The following PCMT1 variants were observed in gnomAD, a reference collection of about 807,000 sequenced individuals.
PCMT1 encodes protein-L-isoaspartate (D-aspartate) O-methyltransferase.
PCMT1 carries 9 observed loss-of-function variants against 29.2 expected under a neutral mutation model. The observed-to-expected ratio is 0.31, with a 90% confidence interval of 0.19 to 0.54. PCMT1 has a LOEUF of 0.54. Ranked by LOEUF, PCMT1 falls within the 20% of genes least tolerant of loss-of-function variation. The pLI is 0.95. For synonymous variants in PCMT1, 98 were observed against 97.5 expected, an observed-to-expected ratio of 1.00 and a Z score of -0.03; for missense variants, 184 against 282.2, an observed-to-expected ratio of 0.65 and a Z score of 2.49.
chr6:149,794,861 C>G (rs569184317), intron 5 of PCMT1: 19 of 487,364 alleles, frequency 3.9e-5, no homozygotes, highest in South Asian at 2.3e-4. Flanking sequence ...GGATTCATCT[C>G]ATGAAAGAAC....
At chr6:149,801,992 G>A (rs1775840931) in intron 6 of PCMT1, among the ~76,000 whole-genome samples, 1 of 152,074 alleles carries the variant, frequency 6.6e-6, no homozygotes, top group African/African-American at 2.4e-5. Context: ...AGCTGGGCAT[G>A]GTGGCGTGTG....
intron 3 of PCMT1, among the ~76,000 whole-genome samples, chr6:149,775,334 TAA>T (rs1203697712): frequency 2.0e-5 from 3 of 152,146 alleles, no homozygotes; most frequent in Non-Finnish European, 4.4e-5. Flanking sequence ...CAGAAGCCAT[TAA>T]AAAAACCTGA....
At chr6:149,769,685 A>G (rs1787231198) in intron 1 of PCMT1, among the ~76,000 whole-genome samples, 1 of 151,450 alleles carries the variant, frequency 6.6e-6, no homozygotes, top group African/African-American at 2.4e-5. Context: ...TATAATCTCA[A>G]ACTCCTGGGC....
chr6:149,754,534 T>C (rs937658303), intron 1 of PCMT1, among the ~76,000 whole-genome samples: 1 of 152,306 alleles, frequency 6.6e-6, no homozygotes. Flanking sequence ...GTTTGTGGGA[T>C]GTTAACTTAA....
intron 1 of PCMT1, among the ~76,000 whole-genome samples, chr6:149,770,813 C>G (rs1308475890): frequency 6.6e-6 from 1 of 151,016 alleles, no homozygotes; most frequent in East Asian, 1.9e-4. Context: ...ACCATCCTGG[C>G]TAACATGGTG....
chr6:149,767,734 G>A (rs541350643), intron 1 of PCMT1, among the ~76,000 whole-genome samples: 4 of 150,674 alleles, frequency 2.7e-5, no homozygotes, highest in South Asian at 4.2e-4. Context: ...GATTACAGAC[G>A]TGAGCCACTG....
chr6:149,770,152 G>T (rs1338695458), intron 1 of PCMT1, among the ~76,000 whole-genome samples: 2 of 152,110 alleles, frequency 1.3e-5, no homozygotes, highest in East Asian at 3.8e-4. Flanking sequence ...ATAATAAATA[G>T]AAATCTTTAT....
At chr6:149,804,662 C>T (rs988452516) in intron 7 of PCMT1, among the ~76,000 whole-genome samples, 7 of 151,884 alleles carry the variant, frequency 4.6e-5, no homozygotes, top group Non-Finnish European at 1.0e-4. Flanking sequence ...TATAGGCGCC[C>T]AGCTAAATTT....
intron 7 of PCMT1, among the ~76,000 whole-genome samples, chr6:149,805,317 GGC>G (rs1288613891): frequency 3.9e-4 from 60 of 152,298 alleles, no homozygotes; most frequent in African/African-American, 1.4e-3. Context: ...TTTTAGGCTG[GGC>G]GCAGTGGCTC....
At chr6:149,755,705 C>T (rs562337547) in intron 1 of PCMT1, among the ~76,000 whole-genome samples, 1 of 152,224 alleles carries the variant, frequency 6.6e-6, no homozygotes, top group South Asian at 2.1e-4. Flanking sequence ...ATTTAGTCAG[C>T]TGATATTTTA....
rs35913473 is a variant in PCMT1 at position 149,787,823 on chromosome 6, C to CTG, written c.193-2111_193-2110dup. ...TCTCTCCCTTTATCCCCTCTCTCCT[C>CTG]TGTGTGTGTGTGTGTGTGTGTATGT... On this transcript the variant is annotated intron_variant, in intron 3 of 7. Coordinates refer to ENST00000464889, the MANE Select transcript of PCMT1 (RefSeq NM_001360452.2). 2.1e-3 allele frequency among the ~76,000 whole-genome samples: 313 copies of CTG among 150,242 alleles called. 3 individuals carry two copies. The highest frequency in any genetic ancestry group is 3.8e-3 in the Admixed American group (57 of 15,074).
At chr6:149,779,469 G>A (rs982279768) in intron 3 of PCMT1, among the ~76,000 whole-genome samples, 1 of 151,978 alleles carries the variant, frequency 6.6e-6, no homozygotes, top group Non-Finnish European at 1.5e-5. Context: ...AGTCTCTCCC[G>A]TCTCTGATTT....
At position 149,749,868 on chromosome 6, in the gene PCMT1, G is replaced by C. The variant is rs1786229596; in HGVS notation, c.-34G>C. 1 of 1,602,018 alleles carries C rather than the reference G, an allele frequency of 6.2e-7. No homozygotes were observed. Among genetic ancestry groups the C allele is most frequent in the Non-Finnish European group, 8.5e-7 (1 of 1,174,538 alleles). On this transcript the variant is annotated 5_prime_UTR_variant, in exon 1 of 8. Coordinates refer to ENST00000464889, the MANE Select transcript of PCMT1 (RefSeq NM_001360452.2). ...TGCTGGGCACCGTCGTCGCGCTGAA[G>C]GTGGTTCTGTACCTGCTCCGAGTGT...
Position 149,776,481 on chromosome 6 carries a change from CCTCCTGACCTCAAGTGAT to C in PCMT1, c.192+3332_192+3349del, listed in dbSNP as rs1158372377. Among the ~76,000 whole-genome samples the C allele has an allele frequency of 1.4e-4, 21 of 152,086 alleles. No individual in the cohort carries two copies. In the East Asian group the frequency reaches 2.9e-3, roughly 21 times the overall value. On this transcript the variant is annotated intron_variant, in intron 3 of 7. Transcript: ENST00000464889. ...TGGCCAGGCTTGTCTCCTGACCTGA[CCTCCTGACCTCAAGTGAT>C]CTCCTGACCTCAAGTGATCCACCCG...
chr6:149,752,036 G>GGTTTT (rs112593511), intron 1 of PCMT1, among the ~76,000 whole-genome samples: 1 of 122,810 alleles, frequency 8.1e-6, no homozygotes, highest in Non-Finnish European at 1.7e-5. Context: ...AATTTTTAGG[G>GGTTTT]TTTTTTTTTT....
In PCMT1 at chr6:149,791,937, C is replaced by T. The variant is rs185417726; in HGVS notation, c.298-1612C>T. On this transcript the variant is annotated intron_variant, in intron 4 of 7. Transcript: ENST00000464889. ...GTACTTTGTGTTTTAAGCACTAGAG[C>T]CTGTGTTCTAAGTGCTACCCCATTT... is the stretch of plus-strand genomic sequence containing the variant. Among the ~76,000 whole-genome samples, 999 of 152,250 alleles carry T rather than the reference C, an allele frequency of 6.6e-3. 11 individuals are homozygous for T. The highest frequency in any genetic ancestry group is 0.023 in the African/African-American group (945 of 41,532).
rs1775997541 is a variant in PCMT1 at position 149,805,855 on chromosome 6, C to T, written c.*37+3439C>T. Among the ~76,000 whole-genome samples the T allele has an allele frequency of 2.7e-5, 4 of 150,794 alleles. No individual in the cohort carries two copies. The Admixed American group carries it at 2.7e-4, about 10-fold the overall frequency. On this transcript the variant is annotated intron_variant, in intron 7 of 7. Transcript: ENST00000464889. ...ACTCGGGAGGCTGAGGCAGGAGAAT[C>T]ACTTGAACCTGGGAGGTGGAGGTTG...
intron 5 of PCMT1, chr6:149,795,526 G>T: frequency 2.2e-6 from 1 of 455,794 alleles, no homozygotes; most frequent in South Asian, 2.0e-5. Context: ...ATACAGTGTT[G>T]GGCAGGATGT....
At chr6:149,755,099 A>AAGGGAC (rs75359067) in intron 1 of PCMT1, among the ~76,000 whole-genome samples, 65,994 of 151,472 alleles carry the variant, frequency 0.44, 15,332 homozygotes, top group East Asian at 0.81. Context: ...AACCTGTCAT[A>AAGGGAC]ATAAACCTGT....
Sources: allele counts gnomAD v4.1 joint callset (sites outside exome capture counted in the v4.1 genomes callset), GRCh38; gene constraint gnomAD v4.1.1; transcripts MANE v1.5; gene names NCBI Gene and HGNC (gene_info 2026-07-23, HGNC 2026-07-21).